ITGA9: variants seen among roughly 807,000 people sequenced by gnomAD.
ITGA9 encodes the protein integrin subunit alpha 9, also known as integrin alpha-9.
A neutral mutation model predicts 127.8 loss-of-function variants in ITGA9; 56 were observed. The ratio of observed to expected loss-of-function variants is 0.44; its 90% CI spans 0.35 to 0.55. The LOEUF (loss-of-function observed/expected upper bound fraction) is 0.55. ITGA9 is among the 20% of genes least tolerant of loss of function. The pLI is 0.00. For synonymous variants in ITGA9, 508 were observed against 514.5 expected (o/e 0.99, Z 0.17); for missense variants, 1,196 against 1,347.1 (o/e 0.89, Z 1.76).
chr3:37,680,847 C>G (rs906280973), intron 17 of ITGA9, among the ~76,000 whole-genome samples: 2 of 152,144 alleles, frequency 1.3e-5, no homozygotes, highest in African/African-American at 4.8e-5. Context: ...ATTAAAATGG[C>G]CAACAATAAT....
At chr3:37,698,770 T>C (rs1700915157) in intron 18 of ITGA9, among the ~76,000 whole-genome samples, 1 of 152,198 alleles carries the variant, frequency 6.6e-6, no homozygotes, top group South Asian at 2.1e-4. Context: ...TTCAAAGTGG[T>C]TCTGCCTTTT....
chr3:37,679,712 G>T (rs1204414160), intron 17 of ITGA9, among the ~76,000 whole-genome samples: 1 of 152,198 alleles, frequency 6.6e-6, no homozygotes, highest in Non-Finnish European at 1.5e-5. Flanking sequence ...GGGTTTTTAT[G>T]CTGAACATTC....
At chr3:37,494,315 G>A (rs899802551) in intron 4 of ITGA9, among the ~76,000 whole-genome samples, 186 bp from the exon 5 acceptor site, 2 of 152,152 alleles carry the variant, frequency 1.3e-5, no homozygotes, top group South Asian at 4.2e-4. Flanking sequence ...TGGCACCAGA[G>A]CCTGGATTTT....
At chr3:37,655,480 C>T (rs1254080198) in intron 17 of ITGA9, among the ~76,000 whole-genome samples, 3 of 152,088 alleles carry the variant, frequency 2.0e-5, no homozygotes, top group African/African-American at 4.8e-5. Flanking sequence ...ATTTGTTGGC[C>T]GCATAAATGT....
chr3:37,581,167 A>G (rs1465321582), intron 15 of ITGA9, among the ~76,000 whole-genome samples: 1 of 152,200 alleles, frequency 6.6e-6, no homozygotes, highest in African/African-American at 2.4e-5. Flanking sequence ...TGTGGAGTGA[A>G]TGGAGGACAG....
At chr3:37,644,541 A>G (rs533542804) in intron 16 of ITGA9, among the ~76,000 whole-genome samples, 2 of 152,308 alleles carry the variant, frequency 1.3e-5, no homozygotes, top group South Asian at 4.1e-4. Flanking sequence ...GACAGAATAT[A>G]TCAATGTGGC....
chr3:37,513,831 G>A lies in ITGA9; in HGVS notation c.966G>A (p.Leu322=), dbSNP rs766240041. 28 of 1,613,900 alleles carry A rather than the reference G, an allele frequency of 1.7e-5. No homozygotes were observed. The highest frequency in any genetic ancestry group is 3.3e-5 in the South Asian group (3 of 91,068). The part of the protein sequence containing the change: ...DLNGDGLSDL[L]VGAPMFSEIR... ...ATGGGGACGGCCTCTCTGACCTGCT[G>A]GTGGGGGCCCCCATGTTTTCTGAGA... Residue 322 remains leucine, a synonymous_variant, in exon 9 of 28, where the codon CTG becomes CTA. Transcript: ENST00000264741.
intron 18 of ITGA9, among the ~76,000 whole-genome samples, chr3:37,711,620 C>T (rs1701080712): frequency 6.6e-6 from 1 of 152,108 alleles, no homozygotes; most frequent in South Asian, 2.1e-4. Context: ...CCCAGGCTGG[C>T]CTCAAACTCC....
At chr3:37,642,442 G>C (rs918862950) in intron 16 of ITGA9, among the ~76,000 whole-genome samples, 3 of 152,230 alleles carry the variant, frequency 2.0e-5, no homozygotes, top group African/African-American at 7.2e-5. Context: ...AGTTGAAAGA[G>C]CCCTTCTGGA....
intron 15 of ITGA9, among the ~76,000 whole-genome samples, chr3:37,559,285 C>T (rs999090832): frequency 1.3e-5 from 2 of 152,128 alleles, no homozygotes; most frequent in Non-Finnish European, 2.9e-5. Flanking sequence ...CACACACACA[C>T]ACACACACAT....
chr3:37,673,912 G>T (rs886137796), intron 17 of ITGA9, among the ~76,000 whole-genome samples: 9 of 152,166 alleles, frequency 5.9e-5, no homozygotes, highest in Non-Finnish European at 8.8e-5. Context: ...TCTAAATTTT[G>T]ATCTCATAAT....
chr3:37,803,698 C>T (rs1697260607), intron 26 of ITGA9, 125 bp from the exon 27 acceptor site: 12 of 1,074,376 alleles, frequency 1.1e-5, no homozygotes, highest in Non-Finnish European at 1.7e-5. Context: ...CGCTTGAACC[C>T]AGGAGGTAGA....
chr3:37,523,443 C>T, intron 11 of ITGA9, 78 bp from the exon 12 acceptor site: 3 of 1,101,690 alleles, frequency 2.7e-6, no homozygotes, highest in Non-Finnish European at 4.2e-6. Context: ...CCTAGGGAAG[C>T]TGGAATAAAG....
chr3:37,523,352 C>T (rs1863595), intron 11 of ITGA9, among the ~76,000 whole-genome samples, 169 bp from the exon 12 acceptor site: 6,888 of 151,972 alleles, frequency 0.045, 438 homozygotes, highest in African/African-American at 0.15. Context: ...GAGTGTGTGG[C>T]CTTCAACTGC....
intron 16 of ITGA9, among the ~76,000 whole-genome samples, chr3:37,637,971 C>T (rs1184090786): frequency 6.6e-6 from 1 of 152,136 alleles, no homozygotes; most frequent in Non-Finnish European, 1.5e-5. Flanking sequence ...CCGTGCCCGG[C>T]CAGCAATCCG....
intron 17 of ITGA9, among the ~76,000 whole-genome samples, chr3:37,669,158 C>A (rs1263012528): frequency 6.6e-6 from 1 of 152,200 alleles, no homozygotes; most frequent in East Asian, 1.9e-4. Flanking sequence ...GGGTGGTTGC[C>A]ATTGGTGTCA....
chr3:37,777,555 TC>T, intron 24 of ITGA9, 38 bp downstream of exon 24: 1 of 1,611,030 alleles, frequency 6.2e-7, no homozygotes, highest in Non-Finnish European at 8.5e-7. Context: ...ACACGGGTGG[TC>T]CTCACTCGGA....
At position 37,495,109 on chromosome 3, in the gene ITGA9, G is replaced by A. The variant is rs184802174; in HGVS notation, c.612+541G>A. ...TTGCCTTAGCCTCCCGGTTATAGGC[G>A]CCCACCGCCACACCTGTATTTTTAG... On this transcript the variant is annotated intron_variant, in intron 5 of 27. Transcript: ENST00000264741. Among the ~76,000 whole-genome samples the A allele has an allele frequency of 2.2e-3, 340 of 152,102 alleles. No homozygotes were observed. The Middle Eastern group carries it at 0.024, about 11-fold the overall frequency.
chr3:37,677,998 CT>C (rs984368198), intron 17 of ITGA9, among the ~76,000 whole-genome samples: 2 of 152,100 alleles, frequency 1.3e-5, no homozygotes, highest in Admixed American at 1.3e-4. Context: ...TCACAATGTC[CT>C]TTTTGGTATG....
Sources: gnomAD v4.1 joint callset for allele counts (sites outside exome capture counted in the v4.1 genomes callset) on GRCh38, gnomAD v4.1.1 for gene constraint, MANE v1.5 for transcripts, NCBI Gene and HGNC (gene_info 2026-07-23, HGNC 2026-07-21) for gene names.